The following CDH3 variants were observed in gnomAD, a reference collection of about 807,000 sequenced individuals.
CDH3 encodes the protein cadherin 3.
Under a neutral mutation model 82.0 loss-of-function variants are expected in CDH3, and 54 were observed. The ratio of observed to expected loss-of-function variants is 0.66; its 90% CI spans 0.53 to 0.83. CDH3 has a LOEUF of 0.83. CDH3 is among the 40% of genes least tolerant of loss of function. CDH3 has a pLI of 0.00. For synonymous variants in CDH3, 446 were observed against 437.9 expected (o/e 1.02, Z -0.23); for missense variants, 1,054 against 1,084.6 (o/e 0.97, Z 0.40).
Position 68,687,626 on chromosome 16 carries a change from G to T in CDH3, c.1685G>T (p.Arg562Leu). The part of the protein sequence containing the change: ...QITICNQSPV[R>L]QVLNITDKDL... ...ACCATCTGCAACCAAAGCCCTGTGC[G>T]CCAGGTGCTGAACATCACGGACAAG... The change falls in exon 12 of 16, where the codon CGC becomes CTC. Residue 562 changes from arginine (R) to leucine (L), a missense_variant. Arg to Leu is a moderately radical substitution (Grantham distance 102, BLOSUM62 -2). Transcript: ENST00000264012. 2.5e-6 allele frequency: 4 copies of T among 1,614,062 alleles called. No individual in the cohort carries two copies. The highest frequency in any genetic ancestry group is 1.7e-6 in the Non-Finnish European group (2 of 1,179,978).
Position 68,698,512 on chromosome 16 carries a change from C to A in CDH3, c.*112C>A. 3.2e-6 allele frequency: 3 copies of A among 945,084 alleles called. No homozygotes were observed. Among genetic ancestry groups the A allele is most frequent in the Non-Finnish European group, 5.0e-6 (3 of 602,694 alleles). 58.5% of individuals were successfully genotyped at this position (945,084 alleles called of 1,614,324 possible). On this transcript the variant is annotated 3_prime_UTR_variant, in exon 16 of 16. Transcript: ENST00000264012. ...GGAGCTTGTCAGGAAGTGGCCGTAG[C>A]AACTTGGCGGAGACAGGCTATGAGT...
At chr16:68,658,825 C>G (rs1370503362) in intron 2 of CDH3, among the ~76,000 whole-genome samples, 1 of 152,206 alleles carries the variant, frequency 6.6e-6, no homozygotes, top group Non-Finnish European at 1.5e-5. Flanking sequence ...TTTATCCCTG[C>G]TTTTGGCCTC....
In CDH3 at chr16:68,695,336, G is replaced by A. The variant is rs1275945771; in HGVS notation, c.2084G>A (p.Arg695His). ...EPLLLPEDDT[R>H]DNVFYYGEEG... Reference sequence around the variant, plus strand: ...CTCCTACTCCCAGAAGATGACACCCGTGACAACGTCTTCTACTATGGCGAA... The same window carrying A: ...CTCCTACTCCCAGAAGATGACACCCATGACAACGTCTTCTACTATGGCGAA... The change falls in exon 14 of 16, where the codon CGT (arginine) becomes CAT (histidine). Residue 695 changes from arginine (R) to histidine (H), a missense_variant. Physicochemically the swap from Arg to His is conservative, Grantham distance 29 (BLOSUM62 0). Transcript: ENST00000264012. 3.1e-6 allele frequency: 5 copies of A among 1,614,038 alleles called. No homozygotes were observed. Among genetic ancestry groups the A allele is most frequent in the Middle Eastern group, 1.6e-4 (1 of 6,062 alleles).
chr16:68,693,627 C>T (rs1961632688), intron 13 of CDH3, among the ~76,000 whole-genome samples: 1 of 152,142 alleles, frequency 6.6e-6, no homozygotes, highest in South Asian at 2.1e-4. Context: ...TGCCTTCCCC[C>T]AGACTCGGGA....
chr16:68,720,793 G>A (rs1046421789), intron 1 of CDH3, among the ~76,000 whole-genome samples: 4 of 151,892 alleles, frequency 2.6e-5, no homozygotes, highest in Non-Finnish European at 2.9e-5. Context: ...ACTAATTTTT[G>A]TATTATTAGT....
intron 2 of CDH3, among the ~76,000 whole-genome samples, chr16:68,725,284 T>C (rs905399840): frequency 2.0e-5 from 3 of 152,092 alleles, no homozygotes; most frequent in Non-Finnish European, 4.4e-5. Flanking sequence ...GAAATAATAG[T>C]TCACGTTGAT....
At chr16:68,670,411 T>C (rs952272000) in intron 2 of CDH3, among the ~76,000 whole-genome samples, 3 of 151,890 alleles carry the variant, frequency 2.0e-5, no homozygotes, top group Admixed American at 6.6e-5. Flanking sequence ...CCTCATGTGG[T>C]AAATGGTGGG....
At chr16:68,653,398 C>T (rs1290862111) in intron 2 of CDH3, among the ~76,000 whole-genome samples, 12 of 151,974 alleles carry the variant, frequency 7.9e-5, no homozygotes, top group South Asian at 4.2e-4. Context: ...CCACCAAGTC[C>T]GGCTAATTTT....
intron 1 of CDH3, among the ~76,000 whole-genome samples, chr16:68,714,292 C>T (rs528239942): frequency 6.6e-6 from 1 of 152,236 alleles, no homozygotes; most frequent in African/African-American, 2.4e-5. Flanking sequence ...AGCCTCTACC[C>T]TCACCCCAGC....
chr16:68,733,085 G>A, the CDH3 span, among the ~76,000 whole-genome samples: 352 of 152,264 alleles, frequency 2.3e-3, 3 homozygotes, highest in African/African-American at 7.9e-3. Context: ...AGAACCTTAT[G>A]AATTAAGTGC....
At chr16:68,701,468 C>T (rs559950320), downstream of CDH3, among the ~76,000 whole-genome samples, 56 of 152,188 alleles carry the variant, frequency 3.7e-4, no homozygotes, top group East Asian at 7.8e-4. Flanking sequence ...TGAGGACCAT[C>T]GGTCCTTTGA....
intron 1 of CDH3, among the ~76,000 whole-genome samples, chr16:68,721,497 G>T (rs934862572): frequency 2.6e-5 from 4 of 152,106 alleles, no homozygotes; most frequent in African/African-American, 9.7e-5. Flanking sequence ...GCCTCCCAAA[G>T]TGCTGGGATT....
chr16:68,727,097 A>C (rs967640380), intron 2 of CDH3, among the ~76,000 whole-genome samples: 10 of 152,212 alleles, frequency 6.6e-5, no homozygotes, highest in Non-Finnish European at 2.9e-5. Context: ...AGGATAGAAC[A>C]AAAAGGCAGG....
chr16:68,690,410 C>A (rs1288285866), intron 12 of CDH3, among the ~76,000 whole-genome samples: 1 of 149,928 alleles, frequency 6.7e-6, no homozygotes, highest in Non-Finnish European at 1.5e-5. Flanking sequence ...CACCTGAGGT[C>A]AGGAGCTTGA....
chr16:68,708,702 G>A (rs889392572), intron 1 of CDH3, among the ~76,000 whole-genome samples: 1 of 150,680 alleles, frequency 6.6e-6, no homozygotes, highest in Non-Finnish European at 1.5e-5. Context: ...GGAGTACAGC[G>A]GCATGATCTC....
intron 2 of CDH3, among the ~76,000 whole-genome samples, chr16:68,670,424 A>G (rs1960856443): frequency 6.6e-6 from 1 of 151,866 alleles, no homozygotes; most frequent in Admixed American, 6.6e-5. Flanking sequence ...ATGGTGGGTA[A>G]TGGTCTGTAA....
intron 2 of CDH3, chr16:68,651,007 G>A: frequency 3.0e-6 from 1 of 335,482 alleles, no homozygotes; most frequent in Non-Finnish European, 5.5e-6. Context: ...ACGATGTGGG[G>A]AGAGAGCGTG....
Position 68,715,410 on chromosome 16 carries a change from G to A in CDH3, c.100-7015G>A, listed in dbSNP as rs573096235. Among the ~76,000 whole-genome samples, 40 of 125,190 alleles carry A rather than the reference G, an allele frequency of 3.2e-4. No homozygotes were observed. The South Asian group carries it at 9.6e-3, about 30-fold the overall frequency. The allele number at this position is 125,190 out of a possible 152,430, so 82.1% of individuals were successfully genotyped here. ...TCACTGCACTCCAGCCTGGGCGACAGAGCACGACTCTCAAAAAAAAAAGAA... is the reference window on the plus strand; with the variant it reads ...TCACTGCACTCCAGCCTGGGCGACAAAGCACGACTCTCAAAAAAAAAAGAA... On this transcript the variant is annotated intron_variant, in intron 1 of 2. Coordinates refer to the CDH3 transcript ENST00000569080.
intron 2 of CDH3, 40 bp downstream of exon 2, chr16:68,645,790 C>T: frequency 3.4e-6 from 5 of 1,467,108 alleles, no homozygotes; most frequent in Non-Finnish European, 4.6e-6. Context: ...AGGGGCCGCA[C>T]GTGACCATTT....
Sources: gnomAD v4.1 joint callset for allele counts (sites outside exome capture counted in the v4.1 genomes callset) on GRCh38, gnomAD v4.1.1 for gene constraint, MANE v1.5 for transcripts, NCBI Gene and HGNC (gene_info 2026-07-23, HGNC 2026-07-21) for gene names.